Variants in TSPAN2 observed in about 807,000 individuals in gnomAD.
The protein encoded by TSPAN2 is tetraspanin 2, also known as tetraspanin-2.
Under a neutral mutation model 33.3 loss-of-function variants are expected in TSPAN2, and 24 were observed. The observed-to-expected ratio is 0.72, with a 90% CI of 0.52 to 1.01. TSPAN2 has a LOEUF of 1.01. Ranked by LOEUF, TSPAN2 falls within the 50% of genes least tolerant of loss-of-function variation. TSPAN2 has a pLI of 0.00. For synonymous variants in TSPAN2, 114 were observed against 104.5 expected, an observed-to-expected ratio of 1.09 and a Z score of -0.56; for missense variants, 278 against 281.3, an observed-to-expected ratio of 0.99 and a Z score of 0.08.
intron 1 of TSPAN2, among the ~76,000 whole-genome samples, chr1:115,075,027 C>A (rs1305666893): frequency 6.6e-6 from 1 of 152,174 alleles, no homozygotes; most frequent in Non-Finnish European, 1.5e-5. Flanking sequence ...CAGGCCAAAG[C>A]CAGCAGCCAC....
chr1:115,076,149 A>T (rs536037136), intron 1 of TSPAN2, among the ~76,000 whole-genome samples: 1 of 152,342 alleles, frequency 6.6e-6, no homozygotes, highest in Admixed American at 6.5e-5. Flanking sequence ...TTAAATTTTA[A>T]TTTACATCTT....
chr1:115,067,939 G>T (rs1382410633), intron 2 of TSPAN2, among the ~76,000 whole-genome samples: 3 of 152,202 alleles, frequency 2.0e-5, no homozygotes, highest in South Asian at 2.1e-4. Context: ...AGTCAGATGG[G>T]CAGGTTGCTG....
chr1:115,070,629 C>T (rs940912924), intron 2 of TSPAN2, among the ~76,000 whole-genome samples: 2 of 152,012 alleles, frequency 1.3e-5, no homozygotes, highest in African/African-American at 4.8e-5. Context: ...TTGCTAATCC[C>T]TCCCCACAGC....
chr1:115,056,678 A>G (rs1265450626), intron 6 of TSPAN2, among the ~76,000 whole-genome samples: 1 of 152,084 alleles, frequency 6.6e-6, no homozygotes, highest in East Asian at 1.9e-4. Context: ...GTGCTTTCCG[A>G]GCACGTTGCA....
At chr1:115,076,847 T>C (rs1648429843) in intron 1 of TSPAN2, among the ~76,000 whole-genome samples, 2 of 151,256 alleles carry the variant, frequency 1.3e-5, no homozygotes, top group Middle Eastern at 3.2e-3. Flanking sequence ...ACCCTGCAGG[T>C]GGGAAGTCAA....
chr1:115,065,123 G>A (rs746511073), intron 2 of TSPAN2, among the ~76,000 whole-genome samples: 6 of 152,184 alleles, frequency 3.9e-5, no homozygotes, highest in African/African-American at 7.2e-5. Context: ...GTGGGCCCGT[G>A]ACTCAGCCCA....
chr1:115,079,600 A>G (rs1648547387), intron 1 of TSPAN2, among the ~76,000 whole-genome samples: 2 of 152,230 alleles, frequency 1.3e-5, no homozygotes, highest in Non-Finnish European at 2.9e-5. Flanking sequence ...GGGTTTTATC[A>G]GAAAAAATAC....
intron 7 of TSPAN2, among the ~76,000 whole-genome samples, chr1:115,052,147 C>T (rs991820100): frequency 6.6e-6 from 1 of 152,198 alleles, no homozygotes; most frequent in Non-Finnish European, 1.5e-5. Flanking sequence ...TGCAGCCAGG[C>T]TATCCCCAGA....
intron 2 of TSPAN2, among the ~76,000 whole-genome samples, chr1:115,071,382 G>A (rs1386993407): frequency 1.3e-5 from 2 of 152,152 alleles, no homozygotes; most frequent in Non-Finnish European, 2.9e-5. Context: ...ACGAGAATAC[G>A]ATGCCTGGAG....
chr1:115,057,735 G>A (rs1365964818), intron 5 of TSPAN2, 127 bp from the exon 6 acceptor site: 9 of 769,068 alleles, frequency 1.2e-5, no homozygotes, highest in Admixed American at 2.0e-5. Context: ...CTGCAACCCA[G>A]ACTGCTATTT....
intron 1 of TSPAN2, 30 bp downstream of exon 1, chr1:115,089,334 C>G: frequency 6.4e-7 from 1 of 1,550,884 alleles, no homozygotes; most frequent in Non-Finnish European, 8.7e-7. Context: ...GCCCCCTGCC[C>G]TGACCGGCCC....
At chr1:115,088,930 G>C (rs1367539856) in intron 1 of TSPAN2, among the ~76,000 whole-genome samples, 1 of 152,082 alleles carries the variant, frequency 6.6e-6, no homozygotes, top group African/African-American at 2.4e-5. Context: ...CCAGGGCAGG[G>C]GTTTCTCTCC....
chr1:115,057,635 G>T, intron 5 of TSPAN2, 27 bp from the exon 6 acceptor site: 1 of 1,610,800 alleles, frequency 6.2e-7, no homozygotes, highest in South Asian at 1.1e-5. Context: ...GAGACTTCAG[G>T]ACCAGGCGGG....
intron 1 of TSPAN2, among the ~76,000 whole-genome samples, chr1:115,074,245 C>T (rs1191672223): frequency 6.6e-6 from 1 of 152,156 alleles, no homozygotes; most frequent in Non-Finnish European, 1.5e-5. Flanking sequence ...CCTTTTTATA[C>T]AGGGGACTTC....
chr1:115,071,469 T>G (rs1648174529), intron 2 of TSPAN2, among the ~76,000 whole-genome samples: 1 of 152,226 alleles, frequency 6.6e-6, no homozygotes, highest in African/African-American at 2.4e-5. Context: ...CCTGGGCCTT[T>G]GATGACTTTG....
intron 2 of TSPAN2, 63 bp from the exon 3 acceptor site, chr1:115,062,295 G>T: frequency 7.7e-7 from 1 of 1,299,364 alleles, no homozygotes. Flanking sequence ...GACCAACTAG[G>T]CTTAAGACTC....
At chr1:115,060,943 A>G (rs1444228752) in intron 3 of TSPAN2, among the ~76,000 whole-genome samples, 1 of 152,208 alleles carries the variant, frequency 6.6e-6, no homozygotes, top group Non-Finnish European at 1.5e-5. Context: ...TAAGGTCAGG[A>G]GAGGGAGCAT....
intron 1 of TSPAN2, among the ~76,000 whole-genome samples, chr1:115,076,643 A>T (rs142553244): frequency 1.3e-5 from 2 of 152,148 alleles, no homozygotes; most frequent in Non-Finnish European, 2.9e-5. Context: ...AACTAGAAAC[A>T]TTGTTGTTTT....
chr1:115,058,792 T>A (rs1247060190), intron 5 of TSPAN2, 91 bp downstream of exon 5: 1 of 1,175,280 alleles, frequency 8.5e-7, no homozygotes, highest in African/African-American at 1.5e-5. Flanking sequence ...ACTGAATTTA[T>A]TTTTATTTTT....
Sources: allele counts gnomAD v4.1 joint callset (sites outside exome capture counted in the v4.1 genomes callset), GRCh38; gene constraint gnomAD v4.1.1; transcripts MANE v1.5; gene names NCBI Gene and HGNC (gene_info 2026-07-23, HGNC 2026-07-21).